Variants in EIPR1 observed in about 807,000 individuals in gnomAD.
The protein encoded by EIPR1 is EARP complex and GARP complex interacting protein 1.
A neutral mutation model predicts 48.1 loss-of-function variants in EIPR1; 25 were observed. That is an observed-to-expected ratio of 0.52 (90% CI 0.38 to 0.73). EIPR1 has a LOEUF of 0.73. Among genes scored for constraint, EIPR1 ranks in the 30% least tolerant of loss-of-function variants. The pLI is 0.00. For missense variants in EIPR1, 415 were observed against 506.2 expected, an observed-to-expected ratio of 0.82 and a Z score of 1.73; for synonymous variants, 204 against 201.9, an observed-to-expected ratio of 1.01 and a Z score of -0.09.
intron 3 of EIPR1, chr2:3,274,507 A>C: frequency 4.9e-6 from 7 of 1,435,914 alleles, no homozygotes; most frequent in Non-Finnish European, 6.4e-6. Flanking sequence ...ATGAGACCCT[A>C]CTTGGGGTAT....
At chr2:3,299,378 G>A (rs182127460) in intron 3 of EIPR1, among the ~76,000 whole-genome samples, 99 of 152,082 alleles carry the variant, frequency 6.5e-4, no homozygotes, top group East Asian at 2.1e-3. Flanking sequence ...TTGTCCCAGC[G>A]ACTCTGCTTG....
intron 1 of EIPR1, among the ~76,000 whole-genome samples, chr2:3,369,538 T>C (rs919358188): frequency 6.6e-6 from 1 of 152,190 alleles, no homozygotes; most frequent in African/African-American, 2.4e-5. Flanking sequence ...ACCCAAATAC[T>C]GCGCTTTTCC....
In EIPR1 at chr2:3,192,498, A is replaced by AGG; in HGVS notation, c.904_905insCC (p.Met302ThrfsTer14). 1 of 1,613,054 alleles carries AGG rather than the reference A, an allele frequency of 6.2e-7. No homozygotes were observed. The highest frequency in any genetic ancestry group is 1.1e-5 in the South Asian group (1 of 90,958). ...GAAGGGCTCCGACGAGATGGACACCATGTTGGAAAGGATGACTCTGCTGTC... is the reference window on the plus strand; with the variant it reads ...GAAGGGCTCCGACGAGATGGACACCAGGTGTTGGAAAGGATGACTCTGCTGTC... On this transcript the variant is annotated frameshift_variant, in exon 8 of 9. Transcript: ENST00000382125. LOFTEE classifies it high-confidence loss of function.
intron 3 of EIPR1, among the ~76,000 whole-genome samples, chr2:3,317,789 G>A (rs1669357811): frequency 2.0e-5 from 3 of 152,174 alleles, no homozygotes; most frequent in Admixed American, 1.3e-4. Context: ...GGGTTTGCAC[G>A]TGCACAGAGG....
At chr2:3,373,026 T>C (rs1659738970) in intron 1 of EIPR1, among the ~76,000 whole-genome samples, 1 of 152,312 alleles carries the variant, frequency 6.6e-6, no homozygotes, top group Non-Finnish European at 1.5e-5. Flanking sequence ...AAAAAGCTTA[T>C]CCACCATGAT....
chr2:3,376,203 A>G lies in EIPR1; in HGVS notation c.42+1445T>C, dbSNP rs186629279. On this transcript the variant is annotated intron_variant, in intron 1 of 8. Coordinates refer to ENST00000382125, the MANE Select transcript of EIPR1 (RefSeq NM_003310.5). ...ACCAGGCACTGTTCTACGTGATTCAATTAAGTGTATTAACTCATTTAATTT... is the reference window on the plus strand; with the variant it reads ...ACCAGGCACTGTTCTACGTGATTCAGTTAAGTGTATTAACTCATTTAATTT... 5.3e-5 allele frequency among the ~76,000 whole-genome samples: 8 copies of G among 152,366 alleles called. No homozygotes were observed. The East Asian group carries it at 1.5e-3, about 29-fold the overall frequency.
At chr2:3,336,157 G>A (rs1670035862) in intron 3 of EIPR1, among the ~76,000 whole-genome samples, 1 of 152,200 alleles carries the variant, frequency 6.6e-6, no homozygotes, top group Admixed American at 6.5e-5. Context: ...GAAGGGGGCA[G>A]TCCCTTGGCC....
intron 4 of EIPR1, among the ~76,000 whole-genome samples, chr2:3,248,122 C>T (rs1312832440): frequency 6.6e-6 from 1 of 152,060 alleles, no homozygotes; most frequent in Non-Finnish European, 1.5e-5. Context: ...TGAGTTCTCG[C>T]TCAGTTAGTT....
intron 3 of EIPR1, among the ~76,000 whole-genome samples, chr2:3,295,358 A>T (rs1668526750): frequency 1.4e-5 from 1 of 72,308 alleles, no homozygotes; most frequent in East Asian, 4.3e-4. Context: ...CATCCAGCCC[A>T]TCCTCTCTCT....
Position 3,312,720 on chromosome 2 carries a change from G to C in EIPR1, c.259+25297C>G, listed in dbSNP as rs926928315. Among the ~76,000 whole-genome samples the C allele has an allele frequency of 3.3e-5, 5 of 152,268 alleles. No homozygotes were observed. Among genetic ancestry groups the C allele is most frequent in the African/African-American group, 9.6e-5 (4 of 41,554 alleles). ...ACTGGTCCCTTCAACGAGATCTTTG[G>C]TGCCCCAGGCTTGAGAAGGTTCTTG... On this transcript the variant is annotated intron_variant, in intron 3 of 8. Coordinates refer to ENST00000382125, the MANE Select transcript of EIPR1 (RefSeq NM_003310.5). The surrounding 1 kb of genome is among the most constrained non-coding windows in gnomAD (Gnocchi z 5.5).
chr2:3,210,279 C>T (rs1665398907), intron 5 of EIPR1, among the ~76,000 whole-genome samples: 1 of 152,204 alleles, frequency 6.6e-6, no homozygotes, highest in Non-Finnish European at 1.5e-5. Flanking sequence ...GCCACCTCCA[C>T]GTTTCAGGAG....
At chr2:3,333,419 C>T (rs892877302) in intron 3 of EIPR1, among the ~76,000 whole-genome samples, 3 of 152,144 alleles carry the variant, frequency 2.0e-5, no homozygotes, top group Admixed American at 6.5e-5. Flanking sequence ...TCCATGGCTG[C>T]GTCTCCTTTC....
intron 3 of EIPR1, among the ~76,000 whole-genome samples, chr2:3,306,345 T>A (rs1668944430): frequency 6.6e-6 from 1 of 152,236 alleles, no homozygotes; most frequent in African/African-American, 2.4e-5. Flanking sequence ...TAAGATTCTT[T>A]AACTTATTCC....
At chr2:3,195,123 CATA>C (rs1664763711) in intron 6 of EIPR1, among the ~76,000 whole-genome samples, 1 of 152,250 alleles carries the variant, frequency 6.6e-6, no homozygotes, top group African/African-American at 2.4e-5. Flanking sequence ...GGTCTGAAGT[CATA>C]ATATCCTGCC....
chr2:3,211,437 G>A (rs1035368932), intron 5 of EIPR1, among the ~76,000 whole-genome samples: 2 of 152,146 alleles, frequency 1.3e-5, no homozygotes, highest in African/African-American at 2.4e-5. Flanking sequence ...GATTAAGCTC[G>A]GCTTCTGCCC....
intron 3 of EIPR1, among the ~76,000 whole-genome samples, chr2:3,330,196 A>C: frequency 6.6e-6 from 1 of 152,272 alleles, no homozygotes; most frequent in Non-Finnish European, 1.5e-5. Context: ...ACCACTCAAT[A>C]CGTATAACCT....
chr2:3,368,020 G>A (rs551605809), intron 1 of EIPR1, among the ~76,000 whole-genome samples: 20 of 152,252 alleles, frequency 1.3e-4, no homozygotes, highest in African/African-American at 2.9e-4. Context: ...ACTCCAGCCC[G>A]GGTGACAGAG....
intron 4 of EIPR1, among the ~76,000 whole-genome samples, chr2:3,239,054 T>TCAA (rs1666508096): frequency 1.3e-5 from 2 of 152,110 alleles, no homozygotes; most frequent in Admixed American, 1.3e-4. Context: ...AAACCCACAG[T>TCAA]CAACAGATGA....
intron 4 of EIPR1, among the ~76,000 whole-genome samples, chr2:3,219,684 A>G (rs1416935772): frequency 6.6e-6 from 1 of 151,174 alleles, no homozygotes; most frequent in Non-Finnish European, 1.5e-5. Flanking sequence ...ACTCAGGTGC[A>G]CACCCAACAC....
Sources: allele counts gnomAD v4.1 joint callset (sites outside exome capture counted in the v4.1 genomes callset), GRCh38; gene constraint gnomAD v4.1.1; non-coding constraint Gnocchi (gnomAD v3.1); transcripts MANE v1.5; gene names NCBI Gene and HGNC (gene_info 2026-07-23, HGNC 2026-07-21).